The following SPATC1 variants were observed in gnomAD, a reference collection of about 807,000 sequenced individuals.
SPATC1 encodes spermatogenesis and centriole associated 1.
In SPATC1, 35 loss-of-function variants were observed where a neutral mutation model predicts 36.5. That is an observed-to-expected ratio of 0.96 (90% confidence interval 0.73 to 1.27). The LOEUF is 1.27. Among genes scored for constraint, SPATC1 ranks in the 50% most tolerant of loss-of-function variants. The probability of loss-of-function intolerance (pLI) is 0.00; values close to 1 mark genes in which losing one functional copy is unlikely to be tolerated. For synonymous variants in SPATC1, 361 were observed against 353.6 expected, an observed-to-expected ratio of 1.02 and a Z score of -0.24; for missense variants, 779 against 796.0, an observed-to-expected ratio of 0.98 and a Z score of 0.26.
At position 144,040,795 on chromosome 8, in the gene SPATC1, G is replaced by A; in HGVS notation, c.994G>A (p.Val332Ile). ...CACCTCCCCCACCACCTCCCCCACG[G>A]TCACCGTCCTTGCCTCTGCCCCCGC... ...VPTSPTTSPT[V>I]TVLASAPALA... Residue 332 changes from valine to isoleucine, a missense_variant, in exon 3 of 5, where the codon GTC becomes ATC. Coordinates refer to ENST00000377470, the MANE Select transcript of SPATC1 (RefSeq NM_198572.3). The A allele has an allele frequency of 1.5e-6, 2 of 1,327,412 alleles. No homozygotes were observed. Among genetic ancestry groups the A allele is most frequent in the Non-Finnish European group, 1.9e-6 (2 of 1,036,578 alleles). The allele number at this position is 1,327,412 out of a possible 1,614,324, so 82.2% of individuals were successfully genotyped here.
chr8:144,040,504 G>A (rs1330396131), intron 2 of SPATC1, 41 bp downstream of exon 2: 3 of 1,562,348 alleles, frequency 1.9e-6, no homozygotes, highest in East Asian at 4.5e-5. Flanking sequence ...AGTGGGGGGG[G>A]GCAGAGCCCT....
chr8:144,036,291 A>G (rs1834896570), intron 1 of SPATC1, among the ~76,000 whole-genome samples: 1 of 152,194 alleles, frequency 6.6e-6, no homozygotes, highest in Non-Finnish European at 1.5e-5. Context: ...GGATTGTGCA[A>G]TTTTGATTTA....
intron 1 of SPATC1, among the ~76,000 whole-genome samples, chr8:144,030,986 C>G (rs958137111): frequency 6.6e-6 from 1 of 152,114 alleles, no homozygotes; most frequent in African/African-American, 2.4e-5. Context: ...TATGTGCACA[C>G]TAGCATATAT....
chr8:144,012,475 G>C lies in SPATC1; in HGVS notation c.-41G>C. ...GGGCCCTGGGCAGCCTCCAGGTGCA[G>C]TGCCCTCCCGTGGGCCGCACCCTTG... On this transcript the variant is annotated 5_prime_UTR_variant, in exon 1 of 5. Transcript: ENST00000377470. The C allele has an allele frequency of 6.5e-7, 1 of 1,536,322 alleles. No homozygotes were observed. Among genetic ancestry groups the C allele is most frequent in the Non-Finnish European group, 8.8e-7 (1 of 1,133,386 alleles).
intron 1 of SPATC1, among the ~76,000 whole-genome samples, chr8:144,036,252 T>C (rs1273886489): frequency 6.6e-6 from 1 of 152,078 alleles, no homozygotes; most frequent in Non-Finnish European, 1.5e-5. Context: ...AAACTAAAAA[T>C]AAATACATAA....
chr8:144,033,520 C>CA (rs1324671072), intron 1 of SPATC1, among the ~76,000 whole-genome samples: 1 of 152,108 alleles, frequency 6.6e-6, no homozygotes, highest in Non-Finnish European at 1.5e-5. Flanking sequence ...TCTGGAGACC[C>CA]AAAAAAAGTT....
intron 1 of SPATC1, among the ~76,000 whole-genome samples, chr8:144,034,454 T>A (rs1834858733): frequency 1.3e-5 from 2 of 152,138 alleles, no homozygotes; most frequent in Non-Finnish European, 2.9e-5. Context: ...GTTTGTTTTT[T>A]AAAATACATA....
In SPATC1 at chr8:144,040,591, C is replaced by A. The variant is rs782568671; in HGVS notation, c.790C>A (p.Gln264Lys). Residue 264 changes from glutamine to lysine, a missense_variant, in exon 3 of 5, where the codon CAG becomes AAG. Coordinates refer to ENST00000377470, the MANE Select transcript of SPATC1 (RefSeq NM_198572.3). ...AGTCCCACTCTCCACTGAGCCCCCC[C>A]AGTCGACCCAGGACCCAGAGCCTCT... ...TKVPLSTEPPQSTQDPEPLSM... is the reference protein window; with the variant it reads ...TKVPLSTEPPKSTQDPEPLSM... The A allele has an allele frequency of 1.3e-5, 21 of 1,599,372 alleles. No homozygotes were observed. Among genetic ancestry groups the A allele is most frequent in the Middle Eastern group, 1.7e-4 (1 of 5,974 alleles).
At chr8:144,031,969 C>T (rs1834806749) in intron 1 of SPATC1, among the ~76,000 whole-genome samples, 1 of 152,144 alleles carries the variant, frequency 6.6e-6, no homozygotes, top group African/African-American at 2.4e-5. Context: ...ATCTGCCCAC[C>T]TTTGCCTTCC....
At chr8:144,023,824 G>A (rs1587498373) in intron 1 of SPATC1, among the ~76,000 whole-genome samples, 113 of 422 alleles carry the variant, frequency 0.27, 56 homozygotes, top group Admixed American at 0.52. Context: ...GTCCCCTCAG[G>A]ACCTCCCCTT....
chr8:144,025,453 G>A (rs1834658285), intron 1 of SPATC1, among the ~76,000 whole-genome samples: 1 of 152,200 alleles, frequency 6.6e-6, no homozygotes, highest in Admixed American at 6.5e-5. Flanking sequence ...CCTCTTCAAT[G>A]TTCTCTTCAA....
intron 4 of SPATC1, chr8:144,041,989 C>G (rs1322005224): frequency 8.1e-6 from 8 of 985,208 alleles, no homozygotes; most frequent in Non-Finnish European, 9.6e-6. Flanking sequence ...TTCAGATGGA[C>G]TCTCGCTCTG....
rs1192552570 is a variant in SPATC1, at chr8:144,046,184, C to T, written c.1447-443C>T. Among the ~76,000 whole-genome samples, 2 of 152,058 alleles carry T rather than the reference C, an allele frequency of 1.3e-5. No individual in the cohort carries two copies. Among genetic ancestry groups the T allele is most frequent in the South Asian group, 2.1e-4 (1 of 4,830 alleles). On this transcript the variant is annotated intron_variant, in intron 4 of 4. Transcript: ENST00000377470. This position sits in a 1 kb window ranked among gnomAD's most constrained non-coding sequence, Gnocchi z 6.6. ...GGTAAGGAAGGGGGTGGCCTTCAGA[C>T]GCTGAAAGGGAGCAGAGCACGGAGC...
chr8:144,046,680 C>T lies in SPATC1; in HGVS notation c.1500C>T (p.Leu500=). ...HKLDEKLCQR[L]TQRYVSVMNR... is the part of the protein sequence containing the mutation. ...TGGATGAGAAGCTGTGCCAGAGGCTCACACAGCGCTATGTGAGCGTCATGA... is the reference window on the plus strand; with the variant it reads ...TGGATGAGAAGCTGTGCCAGAGGCTTACACAGCGCTATGTGAGCGTCATGA... Residue 500 remains leucine, a synonymous_variant, in exon 5 of 5, where the codon CTC becomes CTT. Coordinates refer to ENST00000377470, the MANE Select transcript of SPATC1 (RefSeq NM_198572.3). This position sits in a 1 kb window ranked among gnomAD's most constrained non-coding sequence, Gnocchi z 6.6. 1.2e-6 allele frequency: 2 copies of T among 1,612,266 alleles called. No homozygotes were observed. Among genetic ancestry groups the T allele is most frequent in the Non-Finnish European group, 1.7e-6 (2 of 1,179,944 alleles).
intron 1 of SPATC1, among the ~76,000 whole-genome samples, chr8:144,037,353 A>C (rs562773724): frequency 1.3e-5 from 2 of 151,796 alleles, no homozygotes; most frequent in East Asian, 4.0e-4. Context: ...CATGATGACA[A>C]TGGCGGTTTT....
intron 1 of SPATC1, among the ~76,000 whole-genome samples, chr8:144,035,738 G>A (rs1347008595): frequency 6.6e-6 from 1 of 152,232 alleles, no homozygotes; most frequent in African/African-American, 2.4e-5. Context: ...GGAAACATTT[G>A]TCCTGTCTTC....
At position 144,047,061 on chromosome 8, in the gene SPATC1, G is replaced by A; in HGVS notation, c.*105G>A. On this transcript the variant is annotated 3_prime_UTR_variant, in exon 5 of 5. Transcript: ENST00000377470. This position sits in a 1 kb window ranked among gnomAD's most constrained non-coding sequence, Gnocchi z 4.1. ...GCTGGGCCTGTGCCAGCGCTCCTGG[G>A]TGGTGCTGCCTCCTCTGGGGTGGCT... 4 of 1,391,296 alleles carry A rather than the reference G, an allele frequency of 2.9e-6. No homozygotes were observed. The highest frequency in any genetic ancestry group is 2.9e-6 in the Non-Finnish European group (3 of 1,038,116). 86.2% of individuals were successfully genotyped at this position (1,391,296 alleles called of 1,614,324 possible).
At chr8:144,024,356 A>C in intron 1 of SPATC1, among the ~76,000 whole-genome samples, 1 of 130,810 alleles carries the variant, frequency 7.6e-6, no homozygotes, top group Non-Finnish European at 1.6e-5. Flanking sequence ...TTCTTTCAGG[A>C]CCCTCTCCCC....
chr8:144,018,810 T>C (rs1399356235), intron 1 of SPATC1, among the ~76,000 whole-genome samples: 4 of 146,378 alleles, frequency 2.7e-5, no homozygotes, highest in Non-Finnish European at 5.9e-5. Flanking sequence ...GCCGGGCAGA[T>C]GACCTGAGGT....
Sources: gnomAD v4.1 joint callset for allele counts (sites outside exome capture counted in the v4.1 genomes callset) on GRCh38, gnomAD v4.1.1 for gene constraint, Gnocchi (gnomAD v3.1) non-coding constraint, MANE v1.5 for transcripts, NCBI Gene and HGNC (gene_info 2026-07-23, HGNC 2026-07-21) for gene names.